The following FAM135B variants were observed in gnomAD, a reference collection of about 807,000 sequenced individuals.
FAM135B encodes the protein family with sequence similarity 135 member B, also known as protein FAM135B.
Under a neutral mutation model 127.7 loss-of-function variants are expected in FAM135B, and 43 were observed. The observed-to-expected ratio is 0.34, with a 90% CI of 0.26 to 0.43. The LOEUF (loss-of-function observed/expected upper bound fraction) is 0.43. Among genes scored for constraint, FAM135B ranks in the 20% least tolerant of loss-of-function variants. The pLI is 1.00. For missense variants in FAM135B, 1,558 were observed against 1,725.6 expected, an observed-to-expected ratio of 0.90 and a Z score of 1.72; for synonymous variants, 670 against 665.1, an observed-to-expected ratio of 1.01 and a Z score of -0.11.
chr8:138,388,756 C>T (rs774680585), intron 1 of FAM135B, among the ~76,000 whole-genome samples: 1 of 152,118 alleles, frequency 6.6e-6, no homozygotes, highest in Non-Finnish European at 1.5e-5. Context: ...AAGCAGTGAA[C>T]AGGCAGAGGA....
At chr8:138,293,019 T>C (rs1229840275) in intron 3 of FAM135B, among the ~76,000 whole-genome samples, 1 of 152,050 alleles carries the variant, frequency 6.6e-6, no homozygotes, top group Non-Finnish European at 1.5e-5. Flanking sequence ...AGTCTATAGT[T>C]CCAAATCAGG....
At chr8:138,380,176 T>TTTTTC (rs1250807300) in intron 1 of FAM135B, among the ~76,000 whole-genome samples, 48 of 152,052 alleles carry the variant, frequency 3.2e-4, no homozygotes, top group East Asian at 1.4e-3. Flanking sequence ...TTTCTTTCTT[T>TTTTTC]TTTTCTTTTC....
chr8:138,441,091 C>T (rs568263846), intron 1 of FAM135B: 1 of 152,296 alleles, frequency 6.6e-6, no homozygotes, highest in Admixed American at 6.5e-5. Flanking sequence ...CTAGCAAGTG[C>T]CTTGGATGAC....
chr8:138,177,063 C>T (rs1041749168), intron 11 of FAM135B, among the ~76,000 whole-genome samples: 1 of 152,218 alleles, frequency 6.6e-6, no homozygotes, highest in Non-Finnish European at 1.5e-5. Context: ...TCGCAGAGGA[C>T]TCAGCACAGA....
chr8:138,381,120 T>C (rs913268307), intron 1 of FAM135B, among the ~76,000 whole-genome samples: 1 of 152,136 alleles, frequency 6.6e-6, no homozygotes, highest in South Asian at 2.1e-4. Context: ...CAGCCCTCTT[T>C]CAAGTGCAGC....
chr8:138,304,812 C>T (rs7817908), intron 3 of FAM135B, among the ~76,000 whole-genome samples: 8,110 of 152,274 alleles, frequency 0.053, 433 homozygotes, highest in East Asian at 0.15. Context: ...AGATTCCTGG[C>T]CTGCTCGAAG....
intron 12 of FAM135B, among the ~76,000 whole-genome samples, chr8:138,160,249 C>T (rs898779524): frequency 1.3e-5 from 2 of 152,066 alleles, no homozygotes; most frequent in Admixed American, 6.5e-5. Flanking sequence ...ATTTATGACG[C>T]TTTCCTGAGT....
chr8:138,468,800 A>T (rs1354643042), intron 1 of FAM135B, among the ~76,000 whole-genome samples: 2 of 152,178 alleles, frequency 1.3e-5, no homozygotes, highest in African/African-American at 2.4e-5. Context: ...ATCCCAGCAC[A>T]TTGGGAGGCC....
intron 3 of FAM135B, among the ~76,000 whole-genome samples, chr8:138,275,466 C>T (rs547014391): frequency 6.6e-6 from 1 of 152,274 alleles, no homozygotes; most frequent in East Asian, 1.9e-4. Context: ...GGGAGGATCA[C>T]TTGAGGCCAG....
At chr8:138,197,820 C>G in intron 7 of FAM135B, 151 bp from the exon 8 acceptor site, 1 of 767,694 alleles carries the variant, frequency 1.3e-6, no homozygotes, top group South Asian at 2.3e-5. Context: ...AAAACTGGAA[C>G]ATGGTTGAAG....
At chr8:138,310,741 G>T (rs1364982863) in intron 3 of FAM135B, 100 bp downstream of exon 3, 8 of 1,031,212 alleles carry the variant, frequency 7.8e-6, no homozygotes, top group Non-Finnish European at 1.1e-5. Context: ...GATTGACTGA[G>T]TATGTCTACA....
chr8:138,317,456 T>C (rs1048991194), intron 2 of FAM135B, among the ~76,000 whole-genome samples: 12 of 152,196 alleles, frequency 7.9e-5, no homozygotes, highest in African/African-American at 2.7e-4. Context: ...TCCATATCAA[T>C]ATCCTGACTG....
At chr8:138,494,744 T>C (rs1436081802) in intron 1 of FAM135B, among the ~76,000 whole-genome samples, 1 of 151,624 alleles carries the variant, frequency 6.6e-6, no homozygotes, top group Non-Finnish European at 1.5e-5. Flanking sequence ...CAGAGCAGAG[T>C]TGGATGAAAG....
intron 3 of FAM135B, among the ~76,000 whole-genome samples, chr8:138,308,760 C>T (rs1826450210): frequency 1.3e-5 from 2 of 152,170 alleles, no homozygotes; most frequent in Admixed American, 6.5e-5. Flanking sequence ...CGCCTGCCAG[C>T]TCCAAAAGAT....
chr8:138,315,004 A>T (rs2130914079), intron 2 of FAM135B, among the ~76,000 whole-genome samples: 1 of 152,204 alleles, frequency 6.6e-6, no homozygotes, highest in African/African-American at 2.4e-5. Context: ...AGAAAAAAGA[A>T]AAATGAACAA....
chr8:138,320,324 C>T (rs1284859589), intron 2 of FAM135B, among the ~76,000 whole-genome samples: 1 of 152,116 alleles, frequency 6.6e-6, no homozygotes, highest in Non-Finnish European at 1.5e-5. Context: ...GTAATTTGCC[C>T]ACAGTCACAT....
chr8:138,180,444 C>T (rs946775879), intron 9 of FAM135B, among the ~76,000 whole-genome samples: 8 of 152,200 alleles, frequency 5.3e-5, no homozygotes, highest in Non-Finnish European at 7.3e-5. Flanking sequence ...CCTTTCTCTT[C>T]GTTGCCCTGT....
intron 19 of FAM135B, among the ~76,000 whole-genome samples, chr8:138,135,928 T>C (rs1816620482): frequency 6.6e-6 from 1 of 152,104 alleles, no homozygotes; most frequent in Non-Finnish European, 1.5e-5. Context: ...ACATTTATCA[T>C]GAACACACAT....
chr8:138,451,733 A>G (rs1836495963), intron 1 of FAM135B, among the ~76,000 whole-genome samples: 1 of 152,214 alleles, frequency 6.6e-6, no homozygotes, highest in Non-Finnish European at 1.5e-5. Flanking sequence ...CTCTAAAGCC[A>G]TGGAATCTGT....
Sources: allele counts gnomAD v4.1 joint callset (sites outside exome capture counted in the v4.1 genomes callset), GRCh38; gene constraint gnomAD v4.1.1; transcripts MANE v1.5; gene names NCBI Gene and HGNC (gene_info 2026-07-23, HGNC 2026-07-21).